C2orf66: variants seen among roughly 807,000 people sequenced by gnomAD.
C2orf66 encodes chromosome 2 open reading frame 66, also known as uncharacterized protein C2orf66.
C2orf66 carries 6 observed loss-of-function variants against 7.0 expected under a neutral mutation model. The observed-to-expected ratio is 0.86, with a 90% CI of 0.47 to 1.69. The LOEUF (loss-of-function observed/expected upper bound fraction) is 1.69, where lower values mean the gene tolerates loss of function less well. Among genes scored for constraint, C2orf66 ranks in the 40% most tolerant of loss-of-function variants. The probability of loss-of-function intolerance (pLI) is 0.01; values close to 1 mark genes in which losing one functional copy is unlikely to be tolerated. For synonymous variants in C2orf66, 38 were observed against 43.8 expected (o/e 0.87, Z 0.52); for missense variants, 107 against 112.0 (o/e 0.96, Z 0.20).
rs1195449829 is a variant in C2orf66 at position 196,805,178 on chromosome 2, A to G, written c.*250T>C. 1 of 152,222 alleles carries G rather than the reference A, an allele frequency of 6.6e-6. No homozygotes were observed. Among genetic ancestry groups the G allele is most frequent in the Admixed American group, 6.5e-5 (1 of 15,286 alleles). 9.4% of individuals were successfully genotyped at this position (152,222 alleles called of 1,614,324 possible). ...ATGTTTTTGTAACTCCTACAAATAC[A>G]TGCGGTGCTCTACATCAATATTTAT... On this transcript the variant is annotated 3_prime_UTR_variant, in exon 3 of 3. Coordinates refer to ENST00000342506, the MANE Select transcript of C2orf66 (RefSeq NM_213608.3).
At chr2:196,829,704 T>C in the C2orf66 span, among the ~76,000 whole-genome samples, 470 of 151,802 alleles carry the variant, frequency 3.1e-3, 1 homozygote, top group Middle Eastern at 6.8e-3. Context: ...AAGACCATCC[T>C]GGCTAACACA....
the C2orf66 span, among the ~76,000 whole-genome samples, chr2:196,820,738 C>T: frequency 2.6e-5 from 4 of 152,134 alleles, no homozygotes; most frequent in African/African-American, 9.7e-5. Context: ...TGAAAGGATT[C>T]TGAGATGATC....
upstream of C2orf66, among the ~76,000 whole-genome samples, chr2:196,813,426 C>A (rs1313265083): frequency 6.6e-6 from 1 of 152,136 alleles, no homozygotes; most frequent in East Asian, 1.9e-4. Context: ...TGAATATTAA[C>A]TCAAGATGGA....
At chr2:196,818,984 T>C in the C2orf66 span, among the ~76,000 whole-genome samples, 2 of 152,182 alleles carry the variant, frequency 1.3e-5, no homozygotes, top group African/African-American at 4.8e-5. Flanking sequence ...AGGCTCTCAA[T>C]ATGATCCAGT....
At chr2:196,807,826 C>A (rs1358915652) in intron 1 of C2orf66, among the ~76,000 whole-genome samples, 1 of 152,164 alleles carries the variant, frequency 6.6e-6, no homozygotes, top group African/African-American at 2.4e-5. Context: ...TCAACCCTAA[C>A]CAAAATAATT....
At chr2:196,821,033 G>A in the C2orf66 span, among the ~76,000 whole-genome samples, 1 of 152,190 alleles carries the variant, frequency 6.6e-6, no homozygotes, top group African/African-American at 2.4e-5. Flanking sequence ...GTCTTTAAGA[G>A]AGGCAGGGGG....
At chr2:196,806,809 T>C (rs1699825137) in intron 2 of C2orf66, among the ~76,000 whole-genome samples, 1 of 151,870 alleles carries the variant, frequency 6.6e-6, no homozygotes, top group African/African-American at 2.4e-5. Context: ...TGAGCCAAGA[T>C]CACACCATTG....
At chr2:196,822,319 A>T in the C2orf66 span, among the ~76,000 whole-genome samples, 2 of 152,198 alleles carry the variant, frequency 1.3e-5, no homozygotes, top group Non-Finnish European at 2.9e-5. Flanking sequence ...TGCTGAGAGC[A>T]CTGTAGGTAC....
chr2:196,804,775 C>T lies in C2orf66; in HGVS notation c.*653G>A, dbSNP rs142780044. Among the ~76,000 whole-genome samples, 1 of 152,148 alleles carries T rather than the reference C, an allele frequency of 6.6e-6. No individual in the cohort carries two copies. The highest frequency in any genetic ancestry group is 2.4e-5 in the African/African-American group (1 of 41,428). On this transcript the variant is annotated 3_prime_UTR_variant, in exon 3 of 3. Transcript: ENST00000342506. ...AGAATATTTGATGTGGCACAATGTC[C>T]ACCTCTGAATACTCTGGCAAAGAGC...
the C2orf66 span, among the ~76,000 whole-genome samples, chr2:196,819,744 G>A: frequency 1.1e-3 from 163 of 152,238 alleles, no homozygotes; most frequent in East Asian, 0.019. Flanking sequence ...AATGTTTATG[G>A]AATTAAAAAT....
the C2orf66 span, among the ~76,000 whole-genome samples, chr2:196,830,811 G>A: frequency 6.6e-6 from 1 of 152,124 alleles, no homozygotes; most frequent in Admixed American, 6.5e-5. Flanking sequence ...GCTGCCCCTT[G>A]ATCTTCCTGT....
At chr2:196,820,471 C>G in the C2orf66 span, among the ~76,000 whole-genome samples, 2 of 152,068 alleles carry the variant, frequency 1.3e-5, no homozygotes, top group Non-Finnish European at 2.9e-5. Context: ...GATGGCTTGC[C>G]CTTCTGATGT....
chr2:196,812,249 A>C (rs909607706), upstream of C2orf66, among the ~76,000 whole-genome samples: 97 of 152,098 alleles, frequency 6.4e-4, no homozygotes, highest in African/African-American at 2.1e-3. Flanking sequence ...TAATATTGAA[A>C]TATTAAATTT....
chr2:196,826,956 G>C, the C2orf66 span, among the ~76,000 whole-genome samples: 2 of 152,014 alleles, frequency 1.3e-5, no homozygotes, highest in African/African-American at 4.8e-5. Flanking sequence ...GCTTGAACCC[G>C]GTAGACGGAG....
chr2:196,817,411 A>G, the C2orf66 span, among the ~76,000 whole-genome samples: 1 of 151,484 alleles, frequency 6.6e-6, no homozygotes, highest in African/African-American at 2.4e-5. Context: ...ATTTTTTTGT[A>G]TTTTTAGTAG....
chr2:196,829,281 T>C, the C2orf66 span, among the ~76,000 whole-genome samples: 1 of 152,196 alleles, frequency 6.6e-6, no homozygotes, highest in African/African-American at 2.4e-5. Flanking sequence ...TTAAAGTTTC[T>C]AGTTAAGTAT....
the C2orf66 span, among the ~76,000 whole-genome samples, chr2:196,814,900 CACTGGAG>C: frequency 6.6e-6 from 1 of 152,186 alleles, no homozygotes; most frequent in Non-Finnish European, 1.5e-5. Context: ...TGTTCCTTAA[CACTGGAG>C]TTTCCCTGAT....
chr2:196,829,329 A>G, the C2orf66 span, among the ~76,000 whole-genome samples: 3 of 152,162 alleles, frequency 2.0e-5, no homozygotes, highest in Non-Finnish European at 2.9e-5. Flanking sequence ...GGTATATTTA[A>G]TAACATACAC....
upstream of C2orf66, among the ~76,000 whole-genome samples, chr2:196,810,672 C>A (rs999770129): frequency 1.3e-5 from 2 of 152,174 alleles, no homozygotes; most frequent in Non-Finnish European, 2.9e-5. Flanking sequence ...GTGATCTCGA[C>A]TGGAAATTAG....
Sources: gnomAD v4.1 joint callset for allele counts (sites outside exome capture counted in the v4.1 genomes callset) on GRCh38, gnomAD v4.1.1 for gene constraint, MANE v1.5 for transcripts, NCBI Gene and HGNC (gene_info 2026-07-23, HGNC 2026-07-21) for gene names.